Variants in KIF13B observed in about 807,000 individuals in gnomAD.
KIF13B encodes kinesin family member 13B, also known as kinesin-like protein KIF13B.
Under a neutral mutation model 222.0 loss-of-function variants are expected in KIF13B, and 127 were observed. The observed-to-expected ratio is 0.57, with a 90% CI of 0.50 to 0.66. The LOEUF is 0.66. Ranked by LOEUF, KIF13B falls within the 30% of genes least tolerant of loss-of-function variation. The pLI is 0.00. For missense variants in KIF13B, 2,173 were observed against 2,379.0 expected (o/e 0.91, Z 1.80); for synonymous variants, 976 against 919.0 (o/e 1.06, Z -1.12).
intron 10 of KIF13B, among the ~76,000 whole-genome samples, chr8:29,169,876 A>C (rs1812163166): frequency 1.3e-5 from 2 of 152,240 alleles, no homozygotes; most frequent in Admixed American, 1.3e-4. Flanking sequence ...GAACCACTGC[A>C]CACTGTCAGC....
chr8:29,111,279 G>A (rs1006121021), intron 32 of KIF13B, among the ~76,000 whole-genome samples: 11 of 152,228 alleles, frequency 7.2e-5, no homozygotes, highest in Non-Finnish European at 1.6e-4. Flanking sequence ...TACTTTCAGG[G>A]TCTGGAGGGA....
At chr8:29,212,033 C>G (rs1472046984) in intron 2 of KIF13B, among the ~76,000 whole-genome samples, 1 of 152,082 alleles carries the variant, frequency 6.6e-6, no homozygotes, top group East Asian at 1.9e-4. Context: ...GTTATCAGTA[C>G]TTTATTCCTT....
At chr8:29,230,134 A>T (rs1815220461) in intron 2 of KIF13B, among the ~76,000 whole-genome samples, 1 of 152,096 alleles carries the variant, frequency 6.6e-6, no homozygotes. Flanking sequence ...CAGTGTTATC[A>T]CCTCCACTTC....
chr8:29,179,462 T>C (rs1352522352), intron 8 of KIF13B, among the ~76,000 whole-genome samples: 1 of 152,168 alleles, frequency 6.6e-6, no homozygotes, highest in East Asian at 1.9e-4. Flanking sequence ...CGTCACAGTT[T>C]AAAACTCAAA....
At chr8:29,142,360 CT>C in intron 18 of KIF13B, 57 bp from the exon 19 acceptor site, 1 of 1,470,070 alleles carries the variant, frequency 6.8e-7, no homozygotes. Flanking sequence ...GAAGTCAAAG[CT>C]GACAATTCCA....
intron 1 of KIF13B, among the ~76,000 whole-genome samples, chr8:29,259,558 T>C (rs113590548): frequency 1.9e-4 from 29 of 152,358 alleles, no homozygotes; most frequent in Middle Eastern, 6.8e-3. Flanking sequence ...GCCAGATACC[T>C]GGCAGGCACT....
In KIF13B at chr8:29,160,804, C is replaced by T; in HGVS notation, c.1333G>A (p.Asp445Asn). The T allele has an allele frequency of 6.2e-7, 1 of 1,613,408 alleles. No homozygotes were observed. Among genetic ancestry groups the T allele is most frequent in the Non-Finnish European group, 8.5e-7 (1 of 1,179,456 alleles). Residue 445 changes from aspartate (D) to asparagine (N), a missense_variant, in exon 13 of 40, where the codon GAT becomes AAT. Around this residue, in one of 2 missense-constraint regions of KIF13B, gnomAD observed 1,480 missense variants for 1,722.8 expected, o/e 0.86. Transcript: ENST00000524189. Reference sequence around the variant, plus strand: ...AGATTCACAAGGAAGCATTTATCATCCCCAACTTTGATTCCCGAAGACTGA... The same window carrying T: ...AGATTCACAAGGAAGCATTTATCATTCCCAACTTTGATTCCCGAAGACTGA... ...SLQSSGIKVG[D>N]DKCFLVNLNA...
intron 1 of KIF13B, among the ~76,000 whole-genome samples, chr8:29,248,661 G>A (rs1014393032): frequency 3.9e-5 from 6 of 152,240 alleles, no homozygotes; most frequent in African/African-American, 1.2e-4. Flanking sequence ...CCCACAACAC[G>A]AGGGAATTAT....
Position 29,155,942 on chromosome 8 carries a change from T to C in KIF13B, c.1405-86A>G, listed in dbSNP as rs1444613086. 5 of 1,085,914 alleles carry C rather than the reference T, an allele frequency of 4.6e-6. No individual in the cohort carries two copies. The East Asian group carries it at 7.9e-5, about 17-fold the overall frequency. The allele number at this position is 1,085,914 out of a possible 1,614,324, so 67.3% of individuals were successfully genotyped here. A position where few individuals can be genotyped will look rare whatever the true frequency, so the allele number is the denominator to read the frequency against. ...ATTTACACTGAGCCCTCTTATATTG[T>C]CCTATTACCTTTGCGAAAATTTTTT... is the stretch of plus-strand genomic sequence containing the variant. On this transcript the variant is annotated intron_variant, in intron 13 of 39. Coordinates refer to ENST00000524189, the MANE Select transcript of KIF13B (RefSeq NM_015254.4).
chr8:29,205,902 G>A (rs536373584), intron 2 of KIF13B, among the ~76,000 whole-genome samples: 3 of 131,138 alleles, frequency 2.3e-5, no homozygotes, highest in African/African-American at 8.7e-5. Context: ...GCATAACATA[G>A]CAAAACTCCA....
At position 29,071,879 on chromosome 8, in the gene KIF13B, G is replaced by A. The variant is rs1807299847; in HGVS notation, c.4959C>T (p.Ala1653=). 4 of 1,526,364 alleles carry A rather than the reference G, an allele frequency of 2.6e-6. No homozygotes were observed. The highest frequency in any genetic ancestry group is 4.1e-5 in the Admixed American group (2 of 48,262). 94.6% of individuals were successfully genotyped at this position (1,526,364 alleles called of 1,614,324 possible). ...GSPFRVRRVR[A]SELRSFSRML... is the part of the protein sequence containing the mutation. ...TGCGCGAGAAGGAGCGCAACTCCGA[G>A]GCCCGCACCCTCCGGACGCGGAACG... Residue 1653 remains alanine (A), a synonymous_variant, in exon 39 of 40, where the codon GCC becomes GCT. Transcript: ENST00000524189. The surrounding 1 kb of genome is among the most constrained non-coding windows in gnomAD (Gnocchi z 4.9).
At position 29,070,592 on chromosome 8, in the gene KIF13B, G is replaced by A. The variant is rs768534631; in HGVS notation, c.5393C>T (p.Ala1798Val). ...ARRSATLSGS[A>V]TNLASLTAAL... ...AGCTGTCAGCGAGGCCAGGTTGGTG[G>A]CGGAGCCCGAGAGGGTGGCGCTCCG... is the stretch of plus-strand genomic sequence containing the variant. Residue 1798 changes from alanine to valine, a missense_variant, in exon 40 of 40, where the codon GCC (alanine) becomes GTC (valine). Transcript: ENST00000524189. The surrounding 1 kb of genome is among the most constrained non-coding windows in gnomAD (Gnocchi z 4.1). 41 of 1,597,616 alleles carry A rather than the reference G, an allele frequency of 2.6e-5. No individual in the cohort carries two copies. In the South Asian group the frequency reaches 4.6e-4, roughly 18 times the overall value.
intron 6 of KIF13B, among the ~76,000 whole-genome samples, chr8:29,185,334 A>C (rs1386387276): frequency 2.6e-5 from 4 of 152,104 alleles, no homozygotes; most frequent in Non-Finnish European, 5.9e-5. Flanking sequence ...TTTGCTCTCT[A>C]ATTTGTAGGA....
chr8:29,123,257 C>T, intron 28 of KIF13B, 109 bp downstream of exon 28: 1 of 1,200,430 alleles, frequency 8.3e-7, no homozygotes, highest in Non-Finnish European at 1.2e-6. Flanking sequence ...CAACATTTCC[C>T]CCCATGCTAT....
At chr8:29,220,925 A>G (rs1281858316) in intron 2 of KIF13B, among the ~76,000 whole-genome samples, 1 of 152,026 alleles carries the variant, frequency 6.6e-6, no homozygotes, top group African/African-American at 2.4e-5. Context: ...AGCCTGGGCA[A>G]CACAGCAAAA....
chr8:29,158,673 G>A (rs1206597165), intron 13 of KIF13B, among the ~76,000 whole-genome samples: 1 of 152,168 alleles, frequency 6.6e-6, no homozygotes, highest in Non-Finnish European at 1.5e-5. Context: ...AACTGTTCTT[G>A]GACTGAGATC....
chr8:29,218,124 CA>C (rs943017031), intron 2 of KIF13B, among the ~76,000 whole-genome samples: 4 of 152,168 alleles, frequency 2.6e-5, no homozygotes, highest in African/African-American at 9.7e-5. Flanking sequence ...GATGAAAATA[CA>C]AGGTTCCTGA....
At chr8:29,150,688 C>T (rs781425377) in intron 14 of KIF13B, among the ~76,000 whole-genome samples, 2 of 152,146 alleles carry the variant, frequency 1.3e-5, no homozygotes, top group African/African-American at 2.4e-5. Flanking sequence ...TCAAACAGCA[C>T]GTGCTCACTT....
At chr8:29,213,209 T>G (rs1315248041) in intron 2 of KIF13B, among the ~76,000 whole-genome samples, 1 of 152,142 alleles carries the variant, frequency 6.6e-6, no homozygotes, top group Non-Finnish European at 1.5e-5. Flanking sequence ...CATCGTGGGG[T>G]GTGATGGAAA....
Sources: gnomAD v4.1 joint callset for allele counts (sites outside exome capture counted in the v4.1 genomes callset) on GRCh38, gnomAD v4.1.1 for gene constraint, gnomAD v4.1.1 regional missense constraint, Gnocchi (gnomAD v3.1) non-coding constraint, MANE v1.5 for transcripts, NCBI Gene and HGNC (gene_info 2026-07-23, HGNC 2026-07-21) for gene names.